Variants in VTI1A observed in about 807,000 individuals in gnomAD.
The protein encoded by VTI1A is vesicle transport through interaction with t-SNAREs 1A.
VTI1A carries 22 observed loss-of-function variants against 34.9 expected under a neutral mutation model. That is an observed-to-expected ratio of 0.63 (90% CI 0.45 to 0.90). The LOEUF is 0.90. VTI1A is among the 40% of genes least tolerant of loss of function. VTI1A has a pLI of 0.00. For synonymous variants in VTI1A, 87 were observed against 97.3 expected, an observed-to-expected ratio of 0.89 and a Z score of 0.62; for missense variants, 268 against 275.6, an observed-to-expected ratio of 0.97 and a Z score of 0.20.
chr10:112,645,839 T>C (rs1846757570), intron 5 of VTI1A, among the ~76,000 whole-genome samples: 1 of 152,200 alleles, frequency 6.6e-6, no homozygotes, highest in African/African-American at 2.4e-5. Flanking sequence ...TTTCTACTTA[T>C]TTCACTTGAT....
chr10:112,691,740 A>G (rs1276569608), intron 7 of VTI1A, among the ~76,000 whole-genome samples: 1 of 152,232 alleles, frequency 6.6e-6, no homozygotes, highest in Non-Finnish European at 1.5e-5. Context: ...AGCAACTTGC[A>G]TGGAAGGTTC....
chr10:112,547,049 G>A (rs1851158155), intron 5 of VTI1A, among the ~76,000 whole-genome samples: 1 of 152,216 alleles, frequency 6.6e-6, no homozygotes, highest in Admixed American at 6.5e-5. Context: ...AAGAGGCCAA[G>A]CAGGCAGATC....
At chr10:112,641,430 G>A (rs970063731) in intron 5 of VTI1A, among the ~76,000 whole-genome samples, 1 of 152,170 alleles carries the variant, frequency 6.6e-6, no homozygotes, top group African/African-American at 2.4e-5. Context: ...GGAAACTGGG[G>A]GATTTGGAGG....
intron 4 of VTI1A, among the ~76,000 whole-genome samples, chr10:112,531,112 C>T (rs968924445): frequency 1.1e-4 from 14 of 129,078 alleles, no homozygotes; most frequent in African/African-American, 3.5e-4. Flanking sequence ...CACGTGCGCA[C>T]GTGCGCGCGC....
At chr10:112,777,520 G>A (rs980101934) in intron 7 of VTI1A, among the ~76,000 whole-genome samples, 1 of 151,952 alleles carries the variant, frequency 6.6e-6, no homozygotes, top group African/African-American at 2.4e-5. Flanking sequence ...GCCATCTCTG[G>A]GGCTAGAAAG....
rs529162995 is a variant in VTI1A, at chr10:112,795,377, T to A, written c.561-19913T>A. Among the ~76,000 whole-genome samples the A allele has an allele frequency of 3.3e-3, 508 of 152,146 alleles. 2 individuals are homozygous for A. The highest frequency in any genetic ancestry group is 5.5e-3 in the Non-Finnish European group (376 of 67,988). Reference sequence around the variant, plus strand: ...GGATAGTAGAAGTCACTAAAAAAAATTTTTAAATAATTTTTACCCTTGTTC... The same window carrying A: ...GGATAGTAGAAGTCACTAAAAAAAAATTTTAAATAATTTTTACCCTTGTTC... On this transcript the variant is annotated intron_variant, in intron 7 of 7. Coordinates refer to ENST00000393077, the MANE Select transcript of VTI1A (RefSeq NM_145206.4).
chr10:112,581,624 T>G (rs1843942572), intron 5 of VTI1A, among the ~76,000 whole-genome samples: 2 of 152,176 alleles, frequency 1.3e-5, no homozygotes, highest in Non-Finnish European at 2.9e-5. Context: ...GATGATTGAT[T>G]ATGATGATGA....
chr10:112,569,173 G>A (rs7090374), intron 5 of VTI1A, among the ~76,000 whole-genome samples: 139,648 of 151,820 alleles, frequency 0.92, 64,340 homozygotes, highest in African/African-American at 0.95. Flanking sequence ...AAAGCTATGG[G>A]AAAAAAGGTG....
chr10:112,553,909 C>A (rs2134307177), intron 5 of VTI1A, among the ~76,000 whole-genome samples: 1 of 152,286 alleles, frequency 6.6e-6, no homozygotes, highest in South Asian at 2.1e-4. Flanking sequence ...GTATTTATTT[C>A]TTGCCTACTT....
chr10:112,804,078 T>C (rs1361586799), intron 7 of VTI1A, among the ~76,000 whole-genome samples: 1 of 152,250 alleles, frequency 6.6e-6, no homozygotes, highest in African/African-American at 2.4e-5. Context: ...GCAATGTAAC[T>C]ACACATTACT....
chr10:112,495,611 A>T (rs932285751), intron 3 of VTI1A, among the ~76,000 whole-genome samples: 1 of 152,226 alleles, frequency 6.6e-6, no homozygotes, highest in Non-Finnish European at 1.5e-5. Context: ...GAAATTAAAT[A>T]GCCAGTTTGA....
At chr10:112,848,409 C>T in the VTI1A span, among the ~76,000 whole-genome samples, 449 of 152,230 alleles carry the variant, frequency 2.9e-3, 1 homozygote, top group African/African-American at 9.7e-3. Flanking sequence ...GAACCCCACC[C>T]CTGCTGTCAG....
chr10:112,639,535 GCAAT>G (rs1846486450), intron 5 of VTI1A, among the ~76,000 whole-genome samples: 2 of 152,076 alleles, frequency 1.3e-5, no homozygotes, highest in Non-Finnish European at 1.5e-5. Context: ...ATGAAATTCA[GCAAT>G]CATACATATG....
intron 3 of VTI1A, among the ~76,000 whole-genome samples, chr10:112,473,275 AT>A (rs1848163058): frequency 6.6e-6 from 1 of 151,658 alleles, no homozygotes; most frequent in Non-Finnish European, 1.5e-5. Context: ...TGTCCAGCTA[AT>A]TTTTGTATTT....
intron 7 of VTI1A, among the ~76,000 whole-genome samples, chr10:112,757,472 T>C (rs770466638): frequency 2.8e-5 from 4 of 144,552 alleles, no homozygotes; most frequent in Non-Finnish European, 6.0e-5. Context: ...CTTCAAGCAA[T>C]TCTTCCGCGT....
intron 5 of VTI1A, among the ~76,000 whole-genome samples, chr10:112,624,804 G>C (rs912289325): frequency 1.3e-5 from 2 of 152,134 alleles, no homozygotes; most frequent in Non-Finnish European, 2.9e-5. Context: ...TATTGTAATG[G>C]GTAGATTAAG....
chr10:112,804,877 T>C (rs1853015180), intron 7 of VTI1A, among the ~76,000 whole-genome samples: 1 of 77,626 alleles, frequency 1.3e-5, no homozygotes, highest in Admixed American at 1.4e-4. Context: ...TTTTTTTTTT[T>C]TGAGACAGAG....
chr10:112,503,782 T>C (rs1849326036), intron 3 of VTI1A, among the ~76,000 whole-genome samples: 1 of 152,200 alleles, frequency 6.6e-6, no homozygotes, highest in African/African-American at 2.4e-5. Flanking sequence ...TGTAATCTCT[T>C]GGGCATTAGT....
At chr10:112,656,004 C>T (rs1261936402) in intron 5 of VTI1A, among the ~76,000 whole-genome samples, 1 of 152,218 alleles carries the variant, frequency 6.6e-6, no homozygotes, top group Non-Finnish European at 1.5e-5. Flanking sequence ...AAAGCAAATA[C>T]ATGCAGAAAA....
Sources: gnomAD v4.1 joint callset for allele counts (sites outside exome capture counted in the v4.1 genomes callset) on GRCh38, gnomAD v4.1.1 for gene constraint, MANE v1.5 for transcripts, NCBI Gene and HGNC (gene_info 2026-07-23, HGNC 2026-07-21) for gene names.